CSMD1: variants seen among roughly 807,000 people sequenced by gnomAD.
The protein encoded by CSMD1 is CUB and Sushi multiple domains 1, also known as CUB and sushi domain-containing protein 1.
In CSMD1, 213 loss-of-function variants were observed where a neutral mutation model predicts 417.5. That is an observed-to-expected ratio of 0.51 (90% CI 0.46 to 0.57). The LOEUF (loss-of-function observed/expected upper bound fraction) is 0.57. CSMD1 is among the 20% of genes least tolerant of loss of function. CSMD1 has a pLI of 0.00. For missense variants in CSMD1, 6,923 were observed against 4,529.7 expected, an observed-to-expected ratio of 1.53 and a Z score of -15.17; for synonymous variants, 2,862 against 1,736.8, an observed-to-expected ratio of 1.65 and a Z score of -16.11.
At chr8:4,216,492 A>G (rs1800678447) in intron 3 of CSMD1, among the ~76,000 whole-genome samples, 2 of 152,222 alleles carry the variant, frequency 1.3e-5, no homozygotes, top group Admixed American at 6.5e-5. Context: ...ACTCATTAAT[A>G]GAATTAGTGC....
chr8:4,044,317 C>A lies in CSMD1; in HGVS notation c.416-12218G>T, dbSNP rs558152733. 2.0e-5 allele frequency among the ~76,000 whole-genome samples: 3 copies of A among 152,282 alleles called. No homozygotes were observed. The South Asian group carries it at 6.2e-4, about 32-fold the overall frequency. ...GAGAAATCATCTCTGAAAATTGATG[C>A]AACACTTAAAAATAACACAATGCAA... On this transcript the variant is annotated intron_variant, in intron 3 of 69. Transcript: ENST00000635120.
At chr8:4,726,148 A>T (rs1382405736) in intron 1 of CSMD1, among the ~76,000 whole-genome samples, 1 of 152,116 alleles carries the variant, frequency 6.6e-6, no homozygotes, top group Admixed American at 6.5e-5. Context: ...AGCCATTTGC[A>T]TCCAGATGAA....
intron 5 of CSMD1, among the ~76,000 whole-genome samples, chr8:3,965,823 T>C (rs1416203534): frequency 6.6e-6 from 1 of 152,028 alleles, no homozygotes; most frequent in Admixed American, 6.6e-5. Flanking sequence ...TTCACCATGT[T>C]GGCCAGGCCG....
intron 9 of CSMD1, among the ~76,000 whole-genome samples, chr8:3,583,893 A>C (rs1033764896): frequency 1.3e-5 from 2 of 151,608 alleles, no homozygotes; most frequent in Admixed American, 6.6e-5. Context: ...ATGCAACTAG[A>C]TAGATAAGGA....
intron 47 of CSMD1, among the ~76,000 whole-genome samples, chr8:3,094,385 G>A (rs989078427): frequency 2.6e-5 from 4 of 152,262 alleles, no homozygotes; most frequent in East Asian, 1.9e-4. Context: ...GATTACAGGC[G>A]TGAGCCACTA....
chr8:3,980,953 A>C (rs1261242526), intron 5 of CSMD1, among the ~76,000 whole-genome samples: 1 of 152,130 alleles, frequency 6.6e-6, no homozygotes, highest in African/African-American at 2.4e-5. Context: ...TTTTCCCATA[A>C]AGAGTAGGGG....
chr8:4,245,403 C>G (rs1002560578), intron 3 of CSMD1, among the ~76,000 whole-genome samples: 7 of 152,176 alleles, frequency 4.6e-5, no homozygotes, highest in African/African-American at 4.8e-5. Flanking sequence ...GATCCACACT[C>G]TGATGATGCA....
At chr8:3,814,586 G>A (rs1008008342) in intron 5 of CSMD1, among the ~76,000 whole-genome samples, 1 of 152,200 alleles carries the variant, frequency 6.6e-6, no homozygotes, top group Non-Finnish European at 1.5e-5. Context: ...CTAGTGGTAA[G>A]GCCATGGGTG....
chr8:3,621,567 T>C (rs1445731405), intron 7 of CSMD1, among the ~76,000 whole-genome samples: 3 of 151,962 alleles, frequency 2.0e-5, no homozygotes, highest in African/African-American at 4.8e-5. Context: ...GCCACAGAAA[T>C]GCATGGTTTT....
At chr8:3,480,986 C>G (rs571680733) in intron 11 of CSMD1, among the ~76,000 whole-genome samples, 5 of 151,458 alleles carry the variant, frequency 3.3e-5, no homozygotes, top group East Asian at 1.9e-4. Flanking sequence ...GAAACCCTGT[C>G]TGAACTAAAA....
At chr8:3,325,178 G>A (rs1299912691) in intron 23 of CSMD1, among the ~76,000 whole-genome samples, 1 of 152,182 alleles carries the variant, frequency 6.6e-6, no homozygotes, top group East Asian at 1.9e-4. Flanking sequence ...CTTACCCAGT[G>A]TTTTCTTCCT....
chr8:3,916,058 G>C (rs903542134), intron 5 of CSMD1, among the ~76,000 whole-genome samples: 1 of 151,430 alleles, frequency 6.6e-6, no homozygotes, highest in Non-Finnish European at 1.5e-5. Context: ...ATAATACTTT[G>C]CTTTTCAAAG....
intron 47 of CSMD1, among the ~76,000 whole-genome samples, chr8:3,092,209 G>C (rs1010029465): frequency 7.9e-5 from 12 of 151,900 alleles, no homozygotes; most frequent in African/African-American, 2.9e-4. Flanking sequence ...TTTAAAAAAA[G>C]AATTGAAGAT....
chr8:4,832,573 T>C (rs1266376250), intron 1 of CSMD1, among the ~76,000 whole-genome samples: 2 of 152,208 alleles, frequency 1.3e-5, no homozygotes, highest in Non-Finnish European at 2.9e-5. Context: ...TGATTGGTTG[T>C]CTGCTTGTGG....
At chr8:3,085,305 C>T (rs185199084) in intron 49 of CSMD1, among the ~76,000 whole-genome samples, 1 of 152,114 alleles carries the variant, frequency 6.6e-6, no homozygotes, top group African/African-American at 2.4e-5. Flanking sequence ...CATATTGACT[C>T]CCAGGTTAAC....
At chr8:3,668,867 G>C (rs1244098097) in intron 7 of CSMD1, among the ~76,000 whole-genome samples, 1 of 152,132 alleles carries the variant, frequency 6.6e-6, no homozygotes, top group Non-Finnish European at 1.5e-5. Context: ...TTGCTCTGGT[G>C]GCTATCAGCC....
intron 3 of CSMD1, among the ~76,000 whole-genome samples, chr8:4,126,263 T>G (rs1312208664): frequency 3.9e-5 from 6 of 152,132 alleles, no homozygotes; most frequent in Non-Finnish European, 8.8e-5. Flanking sequence ...CACGACCGGC[T>G]CTGCATGAAT....
intron 3 of CSMD1, among the ~76,000 whole-genome samples, chr8:4,091,105 G>C (rs1357738209): frequency 1.3e-5 from 2 of 151,908 alleles, no homozygotes; most frequent in Non-Finnish European, 2.9e-5. Flanking sequence ...TTTTAGTAGA[G>C]ATGGGGTTTC....
Position 3,873,554 on chromosome 8 carries a change from G to C in CSMD1, c.819-119512C>G, listed in dbSNP as rs893251077. ...AAAACAGACACTGAGACCTACTGCA[G>C]GGTGGACGGTGGGAGGAGGGAGAGC... On this transcript the variant is annotated intron_variant, in intron 5 of 69. Transcript: ENST00000635120. 4.6e-5 allele frequency among the ~76,000 whole-genome samples: 7 copies of C among 152,104 alleles called. No homozygotes were observed. In the East Asian group the frequency reaches 7.7e-4, roughly 17 times the overall value.
Sources: allele counts gnomAD v4.1 joint callset (sites outside exome capture counted in the v4.1 genomes callset), GRCh38; gene constraint gnomAD v4.1.1; transcripts MANE v1.5; gene names NCBI Gene and HGNC (gene_info 2026-07-23, HGNC 2026-07-21).